NUAK2: variants seen among roughly 807,000 people sequenced by gnomAD.
The protein encoded by NUAK2 is NUAK family kinase 2.
In NUAK2, 20 loss-of-function variants were observed where a neutral mutation model predicts 29.8. The ratio of observed to expected loss-of-function variants is 0.67; its 90% CI spans 0.47 to 0.98. The LOEUF is 0.98. Among genes scored for constraint, NUAK2 ranks in the 50% least tolerant of loss-of-function variants. The pLI is 0.00. For synonymous variants in NUAK2, 331 were observed against 342.6 expected (o/e 0.97, Z 0.37); for missense variants, 719 against 834.5 (o/e 0.86, Z 1.71).
At position 205,308,769 on chromosome 1, in the gene NUAK2, A is replaced by T; in HGVS notation, c.353-37T>A. Reference sequence around the variant, plus strand: ...AAGGCAAGGAACGTCAGGCCCTCCCAGAGTGCACTGCTCTCCACTGGGGGT... The same window carrying T: ...AAGGCAAGGAACGTCAGGCCCTCCCTGAGTGCACTGCTCTCCACTGGGGGT... On this transcript the variant is annotated intron_variant, in intron 2 of 6. Transcript: ENST00000367157. The surrounding 1 kb of genome is among the most constrained non-coding windows in gnomAD (Gnocchi z 4.1). 1.9e-6 allele frequency: 3 copies of T among 1,607,766 alleles called. No homozygotes were observed. The South Asian group carries it at 3.3e-5, about 18-fold the overall frequency.
Position 205,308,273 on chromosome 1 carries a change from G to A in NUAK2, c.505-43C>T, listed in dbSNP as rs762893875. On this transcript the variant is annotated intron_variant, in intron 3 of 6. Coordinates refer to ENST00000367157, the MANE Select transcript of NUAK2 (RefSeq NM_030952.3). The surrounding 1 kb of genome is among the most constrained non-coding windows in gnomAD (Gnocchi z 4.1). ...CAGTCACGGGAAGGTCACCAGGGAA[G>A]GGAAGATGATGAGGGGCCCAGTCTG... 55 of 1,465,830 alleles carry A rather than the reference G, an allele frequency of 3.8e-5. No homozygotes were observed. Among genetic ancestry groups the A allele is most frequent in the Non-Finnish European group, 5.1e-5 (55 of 1,070,928 alleles). The allele number at this position is 1,465,830 out of a possible 1,614,324, so 90.8% of individuals were successfully genotyped here. A position where few individuals can be genotyped will look rare whatever the true frequency, so the allele number is the denominator to read the frequency against.
At chr1:205,315,563 A>G (rs1574895012) in intron 1 of NUAK2, among the ~76,000 whole-genome samples, 1 of 152,280 alleles carries the variant, frequency 6.6e-6, no homozygotes, top group Non-Finnish European at 1.5e-5. Context: ...CCAGGCAACT[A>G]TTCTCTAGAA....
rs1232072282 is a variant in NUAK2, at chr1:205,304,617, T to C, written c.824-104A>G. 2.2e-5 allele frequency: 23 copies of C among 1,032,190 alleles called. No homozygotes were observed. The highest frequency in any genetic ancestry group is 3.0e-5 in the Non-Finnish European group (22 of 723,814). 63.9% of individuals were successfully genotyped at this position (1,032,190 alleles called of 1,614,324 possible). On this transcript the variant is annotated intron_variant, in intron 6 of 6. Coordinates refer to ENST00000367157, the MANE Select transcript of NUAK2 (RefSeq NM_030952.3). The surrounding 1 kb of genome is among the most constrained non-coding windows in gnomAD (Gnocchi z 6.5). ...CCTTTTGAGCTATGACACTGCATAC[T>C]CCTGGGTCGGATGCGTCCCTTCCAA...
Position 205,304,154 on chromosome 1 carries a change from T to G in NUAK2, c.1183A>C (p.Thr395Pro), listed in dbSNP as rs1249659636. The G allele has an allele frequency of 8.7e-6, 14 of 1,614,074 alleles. No individual in the cohort carries two copies. In the South Asian group the frequency reaches 1.5e-4, roughly 18 times the overall value. ...TTGCTCTTGCCAGGGCGATGGGCAG[T>G]GTCATCAGCCGTGTCACTGTGGAGA... The part of the protein sequence containing the change: ...QSLHSDTADD[T>P]AHRPGKSNLK... The change falls in exon 7 of 7, where the codon ACT becomes CCT. Residue 395 changes from threonine (T) to proline (P), a missense_variant. Around this residue, in one of 3 missense-constraint regions of NUAK2, gnomAD observed 430 missense variants for 465.7 expected, o/e 0.92. Coordinates refer to ENST00000367157, the MANE Select transcript of NUAK2 (RefSeq NM_030952.3). This position sits in a 1 kb window ranked among gnomAD's most constrained non-coding sequence, Gnocchi z 6.5.
chr1:205,304,204 C>T lies in NUAK2; in HGVS notation c.1133G>A (p.Arg378His), dbSNP rs746442433. 17 of 1,614,064 alleles carry T rather than the reference C, an allele frequency of 1.1e-5. No homozygotes were observed. Among genetic ancestry groups the T allele is most frequent in the Admixed American group, 3.3e-5 (2 of 60,002 alleles). ...AGACTGGGCCATGTCATTCTCCTTG[C>T]GGGACTTCTTGAGCGAATGCTGGCG... Reference protein sequence around the residue: ...LERQHSLKKSRKENDMAQSLH... With the variant: ...LERQHSLKKSHKENDMAQSLH... Residue 378 changes from arginine (R) to histidine (H), a missense_variant, in exon 7 of 7, where the codon CGC (arginine) becomes CAC (histidine). Coordinates refer to ENST00000367157, the MANE Select transcript of NUAK2 (RefSeq NM_030952.3). This position sits in a 1 kb window ranked among gnomAD's most constrained non-coding sequence, Gnocchi z 6.5.
intron 1 of NUAK2, among the ~76,000 whole-genome samples, chr1:205,312,183 G>A (rs1662266806): frequency 6.6e-6 from 1 of 152,228 alleles, no homozygotes; most frequent in Non-Finnish European, 1.5e-5. Flanking sequence ...GGACCAGCCA[G>A]TTTTGCTCAC....
chr1:205,308,252 C>T lies in NUAK2; in HGVS notation c.505-22G>A, dbSNP rs1303533150. 1 of 1,566,090 alleles carries T rather than the reference C, an allele frequency of 6.4e-7. No individual in the cohort carries two copies. The highest frequency in any genetic ancestry group is 1.4e-5 in the African/African-American group (1 of 72,914). ...TGTTCTGAAAGAAGGAGAGGGCAGT[C>T]ACGGGAAGGTCACCAGGGAAGGGAA... On this transcript the variant is annotated intron_variant, in intron 3 of 6. Transcript: ENST00000367157. The surrounding 1 kb of genome is among the most constrained non-coding windows in gnomAD (Gnocchi z 4.1).
chr1:205,303,788 C>A lies in NUAK2; in HGVS notation c.1549G>T (p.Ala517Ser). The A allele has an allele frequency of 6.4e-7, 1 of 1,562,546 alleles. No homozygotes were observed. Among genetic ancestry groups the A allele is most frequent in the South Asian group, 1.2e-5 (1 of 82,324 alleles). Reference sequence around the variant, plus strand: ...TCCAGGGAGCCGAAGGTGGTGGGGGCCGCGAGCTCCAAGGCTGTCTGGGAG... The same window carrying A: ...TCCAGGGAGCCGAAGGTGGTGGGGGACGCGAGCTCCAAGGCTGTCTGGGAG... Reference protein sequence around the residue: ...KFSQTALELAAPTTFGSLDEL... With the variant: ...KFSQTALELASPTTFGSLDEL... Residue 517 changes from alanine (A) to serine (S), a missense_variant, in exon 7 of 7, where the codon GCC becomes TCC. By Grantham distance (99) the Ala-to-Ser change is moderately conservative. Transcript: ENST00000367157.
intron 1 of NUAK2, among the ~76,000 whole-genome samples, chr1:205,320,507 G>T (rs978388827): frequency 2.0e-5 from 3 of 152,026 alleles, no homozygotes; most frequent in Admixed American, 6.5e-5. Context: ...CTCACGATCC[G>T]CCCGCCTCGG....
At chr1:205,321,340 T>TC in intron 1 of NUAK2, 58 bp downstream of exon 1, 1 of 1,468,372 alleles carries the variant, frequency 6.8e-7, no homozygotes, top group South Asian at 1.3e-5. Context: ...CCTCCTCCGC[T>TC]CCCTGCCGGC....
Position 205,308,171 on chromosome 1 carries a change from A to G in NUAK2, c.564T>C (p.Asn188=). Residue 188 remains asparagine (N), a synonymous_variant, in exon 4 of 7, where the codon AAT becomes AAC. Coordinates refer to ENST00000367157, the MANE Select transcript of NUAK2 (RefSeq NM_030952.3). The surrounding 1 kb of genome is among the most constrained non-coding windows in gnomAD (Gnocchi z 4.1). ...LENILLDANG[N]IKIADFGLSN... ...AATAAGAAGTGGGACTCACCTTGAT[A>G]TTCCCATTGGCATCCAAGAGGATGT... 1 of 1,604,780 alleles carries G rather than the reference A, an allele frequency of 6.2e-7. No individual in the cohort carries two copies. Among genetic ancestry groups the G allele is most frequent in the Non-Finnish European group, 8.5e-7 (1 of 1,174,722 alleles).
chr1:205,316,612 A>G (rs1662331989), intron 1 of NUAK2, among the ~76,000 whole-genome samples: 1 of 152,222 alleles, frequency 6.6e-6, no homozygotes, highest in Non-Finnish European at 1.5e-5. Context: ...AACAAAGGCC[A>G]AAAAGAAAGA....
Position 205,303,824 on chromosome 1 carries a change from T to G in NUAK2, c.1513A>C (p.Asn505His). The change falls in exon 7 of 7, where the codon AAT becomes CAT. Residue 505 changes from asparagine (N) to histidine (H), a missense_variant. By Grantham distance (68) the Asn-to-His change is moderately conservative. Around this residue, in one of 3 missense-constraint regions of NUAK2, gnomAD observed 430 missense variants for 465.7 expected, o/e 0.92. Transcript: ENST00000367157. ...LLHRKGILKLNGKFSQTALEL... is the reference protein window; with the variant it reads ...LLHRKGILKLHGKFSQTALEL... ...AAGGCTGTCTGGGAGAACTTGCCAT[T>G]GAGTTTGAGGATGCCTTTGCGATGG... 6.3e-7 allele frequency: 1 copy of G among 1,599,308 alleles called. No individual in the cohort carries two copies. The highest frequency in any genetic ancestry group is 2.2e-5 in the East Asian group (1 of 44,710).
intron 1 of NUAK2, among the ~76,000 whole-genome samples, chr1:205,320,605 A>G (rs1361742408): frequency 3.3e-5 from 5 of 152,170 alleles, no homozygotes; most frequent in African/African-American, 1.2e-4. Context: ...ATATAAGTTC[A>G]TATTTCGATC....
intron 4 of NUAK2, among the ~76,000 whole-genome samples, 192 bp from the exon 5 acceptor site, chr1:205,306,499 G>A (rs1662183011): frequency 6.6e-6 from 1 of 152,170 alleles, no homozygotes; most frequent in African/African-American, 2.4e-5. Flanking sequence ...CTGAGGAGCT[G>A]TGTCAATAAG....
At position 205,303,610 on chromosome 1, in the gene NUAK2, T is replaced by C. The variant is rs904663970; in HGVS notation, c.1727A>G (p.Asn576Ser). Residue 576 changes from asparagine (N) to serine (S), a missense_variant, in exon 7 of 7, where the codon AAC (asparagine) becomes AGC (serine). Physicochemically the swap from Asn to Ser is conservative, Grantham distance 46. Coordinates refer to ENST00000367157, the MANE Select transcript of NUAK2 (RefSeq NM_030952.3). ...GGGGGGCTCCTCAAGCCCCGTGAGG[T>C]TGTCCACAGACACACAGCCCCGCAG... ...PPLRGCVSVD[N>S]LTGLEEPPSE... 2.5e-6 allele frequency: 4 copies of C among 1,609,776 alleles called. No individual in the cohort carries two copies. Among genetic ancestry groups the C allele is most frequent in the African/African-American group, 2.7e-5 (2 of 74,634 alleles).
At chr1:205,317,221 AG>A (rs1459213473) in intron 1 of NUAK2, among the ~76,000 whole-genome samples, 3 of 152,078 alleles carry the variant, frequency 2.0e-5, no homozygotes, top group Admixed American at 2.0e-4. Context: ...GATTCAGGAG[AG>A]GATGGTAGAA....
In NUAK2 at chr1:205,306,299, G is replaced by A. The variant is rs753477526; in HGVS notation, c.579C>T (p.Asp193=). 1 of 1,612,128 alleles carries A rather than the reference G, an allele frequency of 6.2e-7. No individual in the cohort carries two copies. Among genetic ancestry groups the A allele is most frequent in the Non-Finnish European group, 8.5e-7 (1 of 1,179,218 alleles). ...GATGGTAGAGGTTGGAGAGACCGAAGTCAGCAATCTGCAGGATTGAGTCAA... is the reference window on the plus strand; with the variant it reads ...GATGGTAGAGGTTGGAGAGACCGAAATCAGCAATCTGCAGGATTGAGTCAA... ...LDANGNIKIA[D]FGLSNLYHQG... is the part of the protein sequence containing the mutation. Residue 193 remains aspartate, a synonymous_variant, in exon 5 of 7, where the codon GAC becomes GAT. Transcript: ENST00000367157.
intron 1 of NUAK2, among the ~76,000 whole-genome samples, chr1:205,314,220 C>T (rs947861634): frequency 2.6e-5 from 4 of 152,350 alleles, no homozygotes; most frequent in Admixed American, 6.5e-5. Context: ...TCCCACTCCT[C>T]CCCCAGAGCT....
Sources: allele counts gnomAD v4.1 joint callset (sites outside exome capture counted in the v4.1 genomes callset), GRCh38; gene constraint gnomAD v4.1.1; regional missense constraint gnomAD v4.1.1; non-coding constraint Gnocchi (gnomAD v3.1); transcripts MANE v1.5; gene names NCBI Gene and HGNC (gene_info 2026-07-23, HGNC 2026-07-21).